The following TMCC2 variants were observed in gnomAD, a reference collection of about 807,000 sequenced individuals.
TMCC2 encodes the protein transmembrane and coiled-coil domain family 2, also known as transmembrane and coiled-coil domains protein 2.
A neutral mutation model predicts 49.4 loss-of-function variants in TMCC2; 16 were observed. The ratio of observed to expected loss-of-function variants is 0.32; its 90% CI spans 0.22 to 0.49. The LOEUF (loss-of-function observed/expected upper bound fraction) is 0.49. Ranked by LOEUF, TMCC2 falls within the 20% of genes least tolerant of loss-of-function variation. The pLI, the probability that TMCC2 is intolerant of heterozygous loss-of-function variation, is 0.99. For synonymous variants in TMCC2, 397 were observed against 434.1 expected, an observed-to-expected ratio of 0.91 and a Z score of 1.06; for missense variants, 762 against 989.8, an observed-to-expected ratio of 0.77 and a Z score of 3.09.
rs369316157 is a variant in TMCC2, at chr1:205,241,843, C to T, written c.546C>T (p.Arg182=). The change falls in exon 2 of 5, where the codon CGC becomes CGT. Residue 182 remains arginine (R), a synonymous_variant. Transcript: ENST00000358024. The surrounding 1 kb of genome is among the most constrained non-coding windows in gnomAD (Gnocchi z 7.3). ...GGGSSGSSSR[R]TKSSSLEPQR... The stretch of plus-strand genomic sequence containing the variant: ...GCAGCAGCGGGAGCAGCAGCCGGCG[C>T]ACCAAGAGTAGCTCCCTGGAGCCCC... 6.2e-7 allele frequency: 1 copy of T among 1,600,210 alleles called. No individual in the cohort carries two copies. Among genetic ancestry groups the T allele is most frequent in the Non-Finnish European group, 8.5e-7 (1 of 1,174,944 alleles).
intron 1 of TMCC2, among the ~76,000 whole-genome samples, chr1:205,232,648 G>A (rs994862076): frequency 6.6e-6 from 1 of 152,060 alleles, no homozygotes; most frequent in African/African-American, 2.4e-5. Context: ...TACAGCATAC[G>A]GGCCGGGAGC....
chr1:205,243,421 T>G (rs1660345644), intron 2 of TMCC2, among the ~76,000 whole-genome samples: 1 of 151,538 alleles, frequency 6.6e-6, no homozygotes, highest in Non-Finnish European at 1.5e-5. Context: ...AATCAGTAGA[T>G]TGGGAAGGGA....
chr1:205,246,721 A>G, intron 2 of TMCC2: 3 of 1,546,818 alleles, frequency 1.9e-6, no homozygotes, highest in Non-Finnish European at 2.6e-6. Flanking sequence ...TTAAAAATCA[A>G]ATTAGAAAAA....
Position 205,228,607 on chromosome 1 carries a change from G to A in TMCC2, c.43G>A (p.Glu15Lys). Residue 15 changes from glutamate to lysine, a missense_variant, in exon 1 of 5, where the codon GAG (glutamate) becomes AAG (lysine). Physicochemically the swap from Glu to Lys is moderately conservative, Grantham distance 56. Around this residue, in one of 2 missense-constraint regions of TMCC2, gnomAD observed 322 missense variants for 353.1 expected, o/e 0.91. Coordinates refer to ENST00000358024, the MANE Select transcript of TMCC2 (RefSeq NM_014858.4). ...RSDELQQQQG[E>K]EDGAGLEDAA... ...GGACGAGCTGCAGCAACAACAGGGC[G>A]AGGAGGATGGAGCTGGGCTGGAAGA... 1.2e-6 allele frequency: 2 copies of A among 1,612,826 alleles called. No individual in the cohort carries two copies. Among genetic ancestry groups the A allele is most frequent in the Non-Finnish European group, 1.7e-6 (2 of 1,179,396 alleles).
At chr1:205,230,670 A>G (rs1245355762) in intron 1 of TMCC2, among the ~76,000 whole-genome samples, 1 of 152,072 alleles carries the variant, frequency 6.6e-6, no homozygotes. Context: ...CCCACTCTCC[A>G]ACTCAGGACA....
At chr1:205,230,120 C>T in intron 1 of TMCC2, 1 of 985,504 alleles carries the variant, frequency 1.0e-6, no homozygotes, top group South Asian at 4.7e-5. Flanking sequence ...TAAGCCAATG[C>T]CATTCCTCAT....
chr1:205,272,058 G>C lies in TMCC2; in HGVS notation c.2064G>C (p.Leu688=), dbSNP rs199740535. 19 of 1,614,190 alleles carry C rather than the reference G, an allele frequency of 1.2e-5. No individual in the cohort carries two copies. In the Admixed American group the frequency reaches 2.5e-4, roughly 21 times the overall value. The part of the protein sequence containing the change: ...ITSTTLLVLV[L]FLLWKHWDSL... The stretch of plus-strand genomic sequence containing the variant: ...GCACCACCCTCCTGGTCCTCGTCCT[G>C]TTCCTCCTCTGGAAGCACTGGGACT... Residue 688 remains leucine (L), a synonymous_variant, in exon 5 of 5, where the codon CTG becomes CTC. Coordinates refer to ENST00000358024, the MANE Select transcript of TMCC2 (RefSeq NM_014858.4).
rs189405677 is a variant in TMCC2, at chr1:205,239,195, C to G, written c.208-2310C>G. The stretch of plus-strand genomic sequence containing the variant: ...GAAGAGGAAGGGACCTGGAATAGAA[C>G]GCTAGAAAGACAATTCGTATTATGG... On this transcript the variant is annotated intron_variant, in intron 1 of 4. Coordinates refer to ENST00000358024, the MANE Select transcript of TMCC2 (RefSeq NM_014858.4). Among the ~76,000 whole-genome samples, 33 of 152,278 alleles carry G rather than the reference C, an allele frequency of 2.2e-4. No individual in the cohort carries two copies. In the East Asian group the frequency reaches 6.2e-3, roughly 28 times the overall value.
intron 1 of TMCC2, chr1:205,233,878 G>A (rs1219427863): frequency 1.3e-5 from 2 of 151,530 alleles, no homozygotes; most frequent in Non-Finnish European, 1.5e-5. Flanking sequence ...TTAAAGGGTA[G>A]TCAAATGAAG....
intron 2 of TMCC2, among the ~76,000 whole-genome samples, chr1:205,266,808 A>G (rs1263982962): frequency 2.6e-5 from 4 of 152,198 alleles, no homozygotes; most frequent in Non-Finnish European, 4.4e-5. Context: ...CCAGCTTGCC[A>G]GACGTCATCT....
At chr1:205,268,436 A>G (rs1661436003) in intron 2 of TMCC2, among the ~76,000 whole-genome samples, 2 of 152,178 alleles carry the variant, frequency 1.3e-5, no homozygotes, top group Non-Finnish European at 2.9e-5. Flanking sequence ...CAACACGGTG[A>G]AACCCCATCT....
At chr1:205,246,344 G>A (rs900830481) in intron 2 of TMCC2, among the ~76,000 whole-genome samples, 4 of 151,996 alleles carry the variant, frequency 2.6e-5, no homozygotes, top group African/African-American at 9.7e-5. Context: ...TAGGTTTGGG[G>A]TACCTTCAGT....
At chr1:205,244,397 A>C (rs1660381521) in intron 2 of TMCC2, among the ~76,000 whole-genome samples, 1 of 152,212 alleles carries the variant, frequency 6.6e-6, no homozygotes, top group Non-Finnish European at 1.5e-5. Context: ...TCTGGGAGGC[A>C]GAAATGAATT....
At chr1:205,256,521 C>A (rs1660878230) in intron 2 of TMCC2, 6 of 1,169,782 alleles carry the variant, frequency 5.1e-6, no homozygotes, top group East Asian at 2.6e-5. Context: ...GTGTCCAGGG[C>A]AGAGACTGGA....
rs773731575 is a variant in TMCC2, at chr1:205,272,103, G to A, written c.2109G>A (p.Glu703=). 2 of 1,612,778 alleles carry A rather than the reference G, an allele frequency of 1.2e-6. No homozygotes were observed. The highest frequency in any genetic ancestry group is 2.7e-5 in the African/African-American group (2 of 74,900). ...KHWDSLTYLL[E]HVLLPS is the part of the protein sequence containing the mutation. ...GGGACTCCCTCACCTACCTCCTGGA[G>A]CACGTGTTGCTGCCCAGCTGAGTGG... The change falls in exon 5 of 5, where the codon GAG becomes GAA. Residue 703 remains glutamate, a synonymous_variant. Transcript: ENST00000358024.
chr1:205,230,428 T>G (rs971974300), intron 1 of TMCC2, among the ~76,000 whole-genome samples: 5 of 152,182 alleles, frequency 3.3e-5, no homozygotes, highest in Admixed American at 1.3e-4. Context: ...GGTGTTTATC[T>G]CTGCTGTCAC....
chr1:205,266,610 T>TC lies in TMCC2; in HGVS notation c.748-2340_748-2339insC, dbSNP rs748274320. Among the ~76,000 whole-genome samples the TC allele has an allele frequency of 9.9e-4, 130 of 131,612 alleles. 1 individual carries two copies. Among genetic ancestry groups the TC allele is most frequent in the East Asian group, 9.4e-3 (43 of 4,592 alleles). The allele number at this position is 131,612 out of a possible 152,430, so 86.3% of individuals were successfully genotyped here. A position where few individuals can be genotyped will look rare whatever the true frequency, so the allele number is the denominator to read the frequency against. On this transcript the variant is annotated intron_variant, in intron 2 of 4. Coordinates refer to ENST00000358024, the MANE Select transcript of TMCC2 (RefSeq NM_014858.4). ...TCTCCAAAAAAAAACAAAAAACAAA[T>TC]AAAAAAAAAAAAACCGTTAATTTTG...
intron 2 of TMCC2, among the ~76,000 whole-genome samples, chr1:205,244,424 T>G (rs1660382541): frequency 6.6e-6 from 1 of 152,112 alleles, no homozygotes; most frequent in Admixed American, 6.5e-5. Context: ...TTGTTTTTAT[T>G]TTCTATGGGG....
chr1:205,239,827 G>T (rs1660197473), intron 1 of TMCC2, among the ~76,000 whole-genome samples: 1 of 152,154 alleles, frequency 6.6e-6, no homozygotes, highest in Non-Finnish European at 1.5e-5. Flanking sequence ...ATTGTATCCA[G>T]CTGTAAGCGC....
Sources: allele counts gnomAD v4.1 joint callset (sites outside exome capture counted in the v4.1 genomes callset), GRCh38; gene constraint gnomAD v4.1.1; regional missense constraint gnomAD v4.1.1; non-coding constraint Gnocchi (gnomAD v3.1); transcripts MANE v1.5; gene names NCBI Gene and HGNC (gene_info 2026-07-23, HGNC 2026-07-21).